CAPN3: variants seen among roughly 807,000 people sequenced by gnomAD.
CAPN3 encodes calpain-3.
CAPN3 carries 88 observed loss-of-function variants against 114.0 expected under a neutral mutation model. That is an observed-to-expected ratio of 0.77 (90% CI 0.65 to 0.92). The LOEUF (loss-of-function observed/expected upper bound fraction) is 0.92. Among genes scored for constraint, CAPN3 ranks in the 40% least tolerant of loss-of-function variants. The pLI is 0.00. For synonymous variants in CAPN3, 386 were observed against 382.9 expected (o/e 1.01, Z -0.09); for missense variants, 1,028 against 1,069.0 (o/e 0.96, Z 0.53).
At chr15:42,385,947 TCA>T in intron 2 of CAPN3, 1 of 720,670 alleles carries the variant, frequency 1.4e-6, no homozygotes. Context: ...AAATGTCTAG[TCA>T]CAAGGGAGTA....
rs201181640 is a variant in CAPN3, at chr15:42,394,091, CT to C, written c.1030-164del. Reference sequence around the variant, plus strand: ...CAGGAGGAAAGGTCTGACCCACCCCCTGCCATTCCCCAGCACACTTGTGATT... The same window carrying C: ...CAGGAGGAAAGGTCTGACCCACCCCCGCCATTCCCCAGCACACTTGTGATT... On this transcript the variant is annotated intron_variant, in intron 7 of 23. Coordinates refer to ENST00000397163, the MANE Select transcript of CAPN3 (RefSeq NM_000070.3). Among the ~76,000 whole-genome samples the C allele has an allele frequency of 0.013, 2,044 of 152,284 alleles. 53 individuals are homozygous for C. The highest frequency in any genetic ancestry group is 0.047 in the African/African-American group (1,973 of 41,544).
intron 23 of CAPN3, 133 bp downstream of exon 23, chr15:42,411,478 G>C: frequency 2.2e-6 from 2 of 914,062 alleles, no homozygotes; most frequent in Admixed American, 3.4e-5. Flanking sequence ...AACAGAACAT[G>C]GAGGGAGGCT....
chr15:42,384,703 C>T (rs971965376), intron 2 of CAPN3, 151 bp downstream of exon 2: 6 of 695,220 alleles, frequency 8.6e-6, no homozygotes, highest in South Asian at 1.5e-5. Flanking sequence ...GGTCGTTTAT[C>T]TACATGCTGG....
chr15:42,409,738 G>A, intron 17 of CAPN3, 49 bp from the exon 18 acceptor site: 6 of 1,534,608 alleles, frequency 3.9e-6, no homozygotes, highest in Non-Finnish European at 5.4e-6. Context: ...GTCCGCGCCA[G>A]GAGCTGCTGT....
At position 42,412,216 on chromosome 15, in the gene CAPN3, A is replaced by C. The variant is rs886051152; in HGVS notation, c.*443A>C. On this transcript the variant is annotated 3_prime_UTR_variant, in exon 24 of 24. Transcript: ENST00000397163. ...GGGTTCTACTGCTGTGGGGTAAACT[A>C]ACTCAGTGGAATAGGGCTGGTTACT... 1.6e-5 allele frequency: 24 copies of C among 1,532,558 alleles called. No homozygotes were observed. The East Asian group carries it at 5.9e-4, about 37-fold the overall frequency. 94.9% of individuals were successfully genotyped at this position (1,532,558 alleles called of 1,614,324 possible). A position where few individuals can be genotyped will look rare whatever the true frequency, so the allele number is the denominator to read the frequency against.
intron 1 of CAPN3, among the ~76,000 whole-genome samples, chr15:42,370,910 A>C (rs2052927243): frequency 6.6e-6 from 1 of 151,734 alleles, no homozygotes; most frequent in East Asian, 1.9e-4. Context: ...ATCAGAGCAC[A>C]GGCTCTGAAG....
intron 1 of CAPN3, among the ~76,000 whole-genome samples, chr15:42,381,638 C>G (rs2053253630): frequency 6.6e-6 from 1 of 152,146 alleles, no homozygotes; most frequent in Admixed American, 6.5e-5. Context: ...CCTTCAGGCT[C>G]AAGCAATTCT....
rs376985551 is a variant in CAPN3 at position 42,362,629 on chromosome 15, G to T, written c.309+2515G>T. Among the ~76,000 whole-genome samples, 380 of 152,320 alleles carry T rather than the reference G, an allele frequency of 2.5e-3. 3 individuals carry two copies. Among genetic ancestry groups the T allele is most frequent in the African/African-American group, 7.8e-3 (323 of 41,572 alleles). ...GCCCATTGGGTTCACTAGCATAAAT[G>T]AGAAATATAAAATTAGAGATGGTCA... is the stretch of plus-strand genomic sequence containing the variant. On this transcript the variant is annotated intron_variant, in intron 1 of 23. Transcript: ENST00000397163.
Position 42,411,340 on chromosome 15 carries a change from C to T in CAPN3, c.2434C>T (p.Leu812=). 1 of 1,613,884 alleles carries T rather than the reference C, an allele frequency of 6.2e-7. No homozygotes were observed. The highest frequency in any genetic ancestry group is 8.5e-7 in the Non-Finnish European group (1 of 1,179,822). The change falls in exon 23 of 24, where the codon CTG becomes TTG. Residue 812 remains leucine (L), a synonymous_variant. Transcript: ENST00000397163. ...AGATGGTATCATCAAGCTCAACGTT[C>T]TGGAGGTAAAGCATAGGCACAGCAC... The part of the protein sequence containing the change: ...DGDGIIKLNV[L]EWLQLTMYA
intron 1 of CAPN3, among the ~76,000 whole-genome samples, chr15:42,372,190 G>A (rs997550294): frequency 1.3e-5 from 2 of 151,740 alleles, no homozygotes; most frequent in Non-Finnish European, 2.9e-5. Context: ...ATGGAGTTTC[G>A]TTCTTGTTGC....
intron 3 of CAPN3, 147 bp from the exon 4 acceptor site, chr15:42,387,606 C>A (rs996307254): frequency 9.7e-7 from 1 of 1,029,656 alleles, no homozygotes; most frequent in Non-Finnish European, 1.5e-6. Context: ...ACCCCAAACA[C>A]AAAATAGGAT....
intron 1 of CAPN3, among the ~76,000 whole-genome samples, chr15:42,380,116 G>A (rs1881948132): frequency 6.6e-6 from 1 of 152,068 alleles, no homozygotes; most frequent in African/African-American, 2.4e-5. Context: ...AATAAATAAA[G>A]TGGGTTTCTT....
At chr15:42,397,916 G>C (rs1485158279) in intron 9 of CAPN3, among the ~76,000 whole-genome samples, 2 of 151,974 alleles carry the variant, frequency 1.3e-5, no homozygotes, top group African/African-American at 4.8e-5. Context: ...CAGCTACTTG[G>C]GAGGCTGAAG....
At chr15:42,391,613 C>T (rs28364436) in intron 6 of CAPN3, among the ~76,000 whole-genome samples, 23 of 152,178 alleles carry the variant, frequency 1.5e-4, no homozygotes, top group Non-Finnish European at 3.1e-4. Context: ...AAAGCTGTTA[C>T]GTTAGTAGGC....
intron 1 of CAPN3, among the ~76,000 whole-genome samples, chr15:42,369,147 G>T (rs1052535415): frequency 5.9e-5 from 9 of 152,150 alleles, no homozygotes; most frequent in Non-Finnish European, 1.0e-4. Context: ...TTCATTGTGG[G>T]TTTGGAATGT....
intron 6 of CAPN3, among the ~76,000 whole-genome samples, chr15:42,390,914 C>T (rs2053539273): frequency 6.6e-6 from 1 of 151,712 alleles, no homozygotes; most frequent in Admixed American, 6.6e-5. Flanking sequence ...CCTCAGCCTC[C>T]CGACATAGCT....
Position 42,404,188 on chromosome 15 carries a change from C to T in CAPN3, c.1782+411C>T, listed in dbSNP as rs566778313. 9.6e-5 allele frequency: 44 copies of T among 458,528 alleles called. No homozygotes were observed. In the East Asian group the frequency reaches 2.4e-3, roughly 25 times the overall value. The allele number at this position is 458,528 out of a possible 1,614,324, so 28.4% of individuals were successfully genotyped here. A position where few individuals can be genotyped will look rare whatever the true frequency, so the allele number is the denominator to read the frequency against. On this transcript the variant is annotated intron_variant, in intron 14 of 23. Transcript: ENST00000397163. ...GACACTTGGATCCTCCACTTACCAGCGGGGTGACCTGGACAATTTCTGTAA... is the reference window on the plus strand; with the variant it reads ...GACACTTGGATCCTCCACTTACCAGTGGGGTGACCTGGACAATTTCTGTAA...
chr15:42,375,529 T>C (rs572002812), intron 1 of CAPN3, among the ~76,000 whole-genome samples: 66 of 152,182 alleles, frequency 4.3e-4, no homozygotes, highest in African/African-American at 1.6e-3. Flanking sequence ...TCACTGCATT[T>C]AGAGCAGGCA....
chr15:42,403,214 ATAGAG>A lies in CAPN3; in HGVS notation c.1745+216_1745+220del, dbSNP rs544311702. Among the ~76,000 whole-genome samples the A allele has an allele frequency of 7.2e-5, 11 of 152,334 alleles. No individual in the cohort carries two copies. The South Asian group carries it at 1.9e-3, about 26-fold the overall frequency. ...CCAGGCACTGTCCTAGGCACTAAGG[ATAGAG>A]TAGTGAAGTAAACAGAAAGAAATCC... On this transcript the variant is annotated intron_variant, in intron 13 of 23. Transcript: ENST00000397163.
Sources: gnomAD v4.1 joint callset for allele counts (sites outside exome capture counted in the v4.1 genomes callset) on GRCh38, gnomAD v4.1.1 for gene constraint, MANE v1.5 for transcripts, NCBI Gene and HGNC (gene_info 2026-07-23, HGNC 2026-07-21) for gene names.